PCDH15: variants seen among roughly 807,000 people sequenced by gnomAD.
PCDH15 encodes the protein protocadherin related 15, also known as protocadherin-15.
In PCDH15, 129 loss-of-function variants were observed where a neutral mutation model predicts 178.5. That is an observed-to-expected ratio of 0.72 (90% CI 0.63 to 0.84). The LOEUF (loss-of-function observed/expected upper bound fraction) is 0.84, where lower values mean the gene tolerates loss of function less well. Ranked by LOEUF, PCDH15 falls within the 40% of genes least tolerant of loss-of-function variation. The pLI is 0.00. For missense variants in PCDH15, 2,230 were observed against 2,099.9 expected, an observed-to-expected ratio of 1.06 and a Z score of -1.21; for synonymous variants, 800 against 732.0, an observed-to-expected ratio of 1.09 and a Z score of -1.50.
At chr10:54,605,538 G>A (rs1289294917) in intron 2 of PCDH15, among the ~76,000 whole-genome samples, 1 of 152,096 alleles carries the variant, frequency 6.6e-6, no homozygotes, top group Non-Finnish European at 1.5e-5. Flanking sequence ...CACATAACAA[G>A]TTGTTTTTCT....
intron 17 of PCDH15, among the ~76,000 whole-genome samples, chr10:54,071,771 T>A (rs1330576255): frequency 6.6e-6 from 1 of 152,106 alleles, no homozygotes; most frequent in Non-Finnish European, 1.5e-5. Context: ...GGTAACACTA[T>A]AATTATGGAG....
chr10:55,055,666 A>G (rs1056148394), intron 2 of PCDH15, among the ~76,000 whole-genome samples: 28 of 151,920 alleles, frequency 1.8e-4, no homozygotes, highest in African/African-American at 6.8e-4. Context: ...AGCCAGGTGC[A>G]GTGGCGAGTG....
chr10:54,680,837 A>G (rs138778435), intron 1 of PCDH15, among the ~76,000 whole-genome samples: 5,227 of 152,216 alleles, frequency 0.034, 301 homozygotes, highest in African/African-American at 0.12. Context: ...TCCTTTATAC[A>G]TTATCCAGTC....
intron 1 of PCDH15, among the ~76,000 whole-genome samples, chr10:54,724,714 A>AAAGCAAGACTAAAGGT (rs1461390613): frequency 1.3e-5 from 2 of 151,338 alleles, no homozygotes; most frequent in African/African-American, 4.8e-5. Flanking sequence ...ACTCAACAGA[A>AAAGCAAGACTAAAGGT]AAGCAAGACT....
intron 18 of PCDH15, among the ~76,000 whole-genome samples, chr10:54,042,278 G>C (rs1004334494): frequency 1.3e-5 from 2 of 152,178 alleles, no homozygotes; most frequent in South Asian, 2.1e-4. Context: ...ATATGGATTA[G>C]ATCATTTGCC....
Position 54,924,148 on chromosome 10 carries a change from A to G in PCDH15, c.-79-26648T>C, listed in dbSNP as rs1017105284. On this transcript the variant is annotated intron_variant, in intron 2 of 5. Coordinates refer to the PCDH15 transcript ENST00000458638. ...AAGCAAGCACTGTTCTCACATGGTGAAGCAGGAAGTGGGGGGGAAGTACTA... is the reference window on the plus strand; with the variant it reads ...AAGCAAGCACTGTTCTCACATGGTGGAGCAGGAAGTGGGGGGGAAGTACTA... 4.4e-5 allele frequency among the ~76,000 whole-genome samples: 6 copies of G among 137,814 alleles called. 2 individuals are homozygous for G. The highest frequency in any genetic ancestry group is 1.0e-4 in the Non-Finnish European group (6 of 59,200). The allele number at this position is 137,814 out of a possible 152,430, so 90.4% of individuals were successfully genotyped here.
chr10:54,179,594 AAAG>A (rs576685278), intron 13 of PCDH15, among the ~76,000 whole-genome samples: 4 of 152,262 alleles, frequency 2.6e-5, no homozygotes, highest in Non-Finnish European at 4.4e-5. Flanking sequence ...ATTTAAAAAA[AAAG>A]AAGTACAATT....
At chr10:55,323,295 T>C (rs2132301876), upstream of PCDH15, among the ~76,000 whole-genome samples, 1 of 152,080 alleles carries the variant, frequency 6.6e-6, no homozygotes, top group African/African-American at 2.4e-5. Flanking sequence ...GAATTGTGGG[T>C]CCCCACACAG....
chr10:55,443,756 C>T (rs1839250080), intron 2 of PCDH15, among the ~76,000 whole-genome samples: 1 of 152,050 alleles, frequency 6.6e-6, no homozygotes, highest in Non-Finnish European at 1.5e-5. Context: ...ACTAGAAATA[C>T]CATTTGACCC....
At chr10:54,505,457 A>G (rs1034463240) in intron 3 of PCDH15, among the ~76,000 whole-genome samples, 1 of 152,144 alleles carries the variant, frequency 6.6e-6, no homozygotes, top group Non-Finnish European at 1.5e-5. Flanking sequence ...GTCCCCCTTC[A>G]AGTTCTATCT....
chr10:53,858,684 A>G (rs958883122), intron 27 of PCDH15, among the ~76,000 whole-genome samples: 2 of 152,170 alleles, frequency 1.3e-5, no homozygotes, highest in African/African-American at 4.8e-5. Flanking sequence ...TTATGCTGGC[A>G]GTTCTAACCT....
intron 2 of PCDH15, among the ~76,000 whole-genome samples, chr10:54,580,473 T>C (rs2090935035): frequency 6.6e-6 from 1 of 151,844 alleles, no homozygotes; most frequent in Non-Finnish European, 1.5e-5. Flanking sequence ...AATCAACTAA[T>C]GTCCCTGACC....
At chr10:55,198,552 T>C (rs1840156677) in intron 1 of PCDH15, among the ~76,000 whole-genome samples, 1 of 152,080 alleles carries the variant, frequency 6.6e-6, no homozygotes, top group African/African-American at 2.4e-5. Context: ...AGTGGCGCGA[T>C]AACAGCTCAC....
At chr10:54,164,021 G>A (rs750981048) in intron 13 of PCDH15, among the ~76,000 whole-genome samples, 3 of 152,138 alleles carry the variant, frequency 2.0e-5, no homozygotes, top group Non-Finnish European at 4.4e-5. Context: ...CTTTGGCGAA[G>A]TTTGGACAGA....
intron 2 of PCDH15, among the ~76,000 whole-genome samples, chr10:55,376,666 TG>T (rs1487857653): frequency 1.3e-5 from 2 of 152,106 alleles, no homozygotes. Flanking sequence ...ACTAAAATTT[TG>T]TATAGCTTCA....
chr10:53,907,763 G>A (rs1044248637), intron 25 of PCDH15, among the ~76,000 whole-genome samples: 1 of 152,072 alleles, frequency 6.6e-6, no homozygotes, highest in African/African-American at 2.4e-5. Flanking sequence ...AAGCTCAGGG[G>A]AAAATGTAAG....
At chr10:54,018,919 A>C (rs2092826422) in intron 20 of PCDH15, among the ~76,000 whole-genome samples, 1 of 152,138 alleles carries the variant, frequency 6.6e-6, no homozygotes, top group Non-Finnish European at 1.5e-5. Context: ...TGTGAATAAA[A>C]TATAAATCAA....
intron 10 of PCDH15, among the ~76,000 whole-genome samples, chr10:54,210,556 C>T (rs562467890): frequency 3.4e-4 from 51 of 151,944 alleles, no homozygotes; most frequent in Admixed American, 2.0e-3. Context: ...CTATGCCTTT[C>T]GAGGGCAAAT....
chr10:54,233,940 C>T (rs2054340143), intron 9 of PCDH15, among the ~76,000 whole-genome samples: 1 of 152,130 alleles, frequency 6.6e-6, no homozygotes. Context: ...TCGTCATAGA[C>T]ATCAGCATCC....
Sources: gnomAD v4.1 joint callset for allele counts (sites outside exome capture counted in the v4.1 genomes callset) on GRCh38, gnomAD v4.1.1 for gene constraint, MANE v1.5 for transcripts, NCBI Gene and HGNC (gene_info 2026-07-23, HGNC 2026-07-21) for gene names.